The following JAZF1 variants were observed in gnomAD, a reference collection of about 807,000 sequenced individuals.
JAZF1 encodes the protein juxtaposed with another zinc finger protein 1.
JAZF1 carries 8 observed loss-of-function variants against 26.4 expected under a neutral mutation model. The ratio of observed to expected loss-of-function variants is 0.30; its 90% confidence interval spans 0.18 to 0.55. The LOEUF is 0.55. Ranked by LOEUF, JAZF1 falls within the 20% of genes least tolerant of loss-of-function variation. The pLI is 0.94. For synonymous variants in JAZF1, 126 were observed against 122.3 expected (o/e 1.03, Z -0.20); for missense variants, 199 against 322.0 (o/e 0.62, Z 2.92).
chr7:27,895,275 G>A lies in JAZF1; in HGVS notation c.330C>T (p.Pro110=). The part of the protein sequence containing the change: ...PPRHSSGSLT[P]PVTPPITPSS... ...AGGGGGTGATGGGTGGGGTCACGGG[G>A]GGAGTAAGGCTTCCACTGCTGTGGC... The change falls in exon 3 of 5, where the codon CCC becomes CCT. Residue 110 remains proline, a synonymous_variant. Transcript: ENST00000283928. 6.2e-7 allele frequency: 1 copy of A among 1,609,530 alleles called. No homozygotes were observed. Among genetic ancestry groups the A allele is most frequent in the South Asian group, 1.1e-5 (1 of 90,200 alleles).
At chr7:27,859,374 G>A (rs1204750075) in intron 3 of JAZF1, among the ~76,000 whole-genome samples, 1 of 152,140 alleles carries the variant, frequency 6.6e-6, no homozygotes, top group Non-Finnish European at 1.5e-5. Flanking sequence ...CCATTACTGG[G>A]TATATACTCA....
chr7:27,984,457 T>A (rs1342599669), intron 2 of JAZF1, among the ~76,000 whole-genome samples: 5 of 152,058 alleles, frequency 3.3e-5, no homozygotes, highest in Non-Finnish European at 5.9e-5. Flanking sequence ...ATAAAGCAAG[T>A]CCTTAGAGAC....
intron 1 of JAZF1, among the ~76,000 whole-genome samples, chr7:28,026,642 G>A (rs965870031): frequency 6.6e-6 from 1 of 152,214 alleles, no homozygotes; most frequent in African/African-American, 2.4e-5. Flanking sequence ...TATCATTTGT[G>A]TAACTAAGGT....
chr7:28,096,194 G>A (rs937087112), intron 1 of JAZF1, among the ~76,000 whole-genome samples: 2 of 152,250 alleles, frequency 1.3e-5, no homozygotes, highest in South Asian at 2.1e-4. Flanking sequence ...GCCTCTGTCC[G>A]CTCTTGGAGT....
At chr7:28,052,818 G>T (rs1490282224) in intron 1 of JAZF1, among the ~76,000 whole-genome samples, 1 of 143,756 alleles carries the variant, frequency 7.0e-6, no homozygotes, top group East Asian at 2.0e-4. Flanking sequence ...ATGGATACTG[G>T]CTTTTTTTTT....
intron 2 of JAZF1, among the ~76,000 whole-genome samples, chr7:27,931,104 C>A (rs1409699343): frequency 1.3e-5 from 2 of 152,148 alleles, no homozygotes; most frequent in Non-Finnish European, 2.9e-5. Flanking sequence ...AGGCCATCTA[C>A]AATGAGATTA....
chr7:28,111,759 T>C (rs1281639091), intron 1 of JAZF1, among the ~76,000 whole-genome samples: 1 of 152,204 alleles, frequency 6.6e-6, no homozygotes, highest in African/African-American at 2.4e-5. Flanking sequence ...TTCAGGAGAC[T>C]TCCCAGGGGT....
chr7:28,138,378 G>A (rs1316849199), intron 1 of JAZF1, among the ~76,000 whole-genome samples: 1 of 152,168 alleles, frequency 6.6e-6, no homozygotes, highest in Non-Finnish European at 1.5e-5. Flanking sequence ...TGCCACTAGG[G>A]AGGAGGCAGT....
chr7:28,160,085 G>A (rs889388330), intron 1 of JAZF1, among the ~76,000 whole-genome samples: 5 of 151,972 alleles, frequency 3.3e-5, no homozygotes, highest in African/African-American at 9.7e-5. Flanking sequence ...GGTGGGGTAC[G>A]GAATCTCACT....
intron 1 of JAZF1, among the ~76,000 whole-genome samples, chr7:28,165,966 T>C (rs573317481): frequency 8.5e-5 from 13 of 152,294 alleles, no homozygotes; most frequent in Middle Eastern, 3.4e-3. Flanking sequence ...AACGCATAAA[T>C]TGGGTGTTTG....
At chr7:28,010,850 T>G (rs62449878) in intron 1 of JAZF1, among the ~76,000 whole-genome samples, 1 of 152,244 alleles carries the variant, frequency 6.6e-6, no homozygotes, top group Non-Finnish European at 1.5e-5. Context: ...CACAACTGCA[T>G]GCCAGTAGGT....
At chr7:28,139,289 G>A (rs1428403461) in intron 1 of JAZF1, among the ~76,000 whole-genome samples, 2 of 152,208 alleles carry the variant, frequency 1.3e-5, no homozygotes, top group Non-Finnish European at 2.9e-5. Flanking sequence ...AGAGGCCCAG[G>A]GAACAGTTAG....
intron 2 of JAZF1, among the ~76,000 whole-genome samples, chr7:27,987,734 G>T (rs1231949976): frequency 2.6e-5 from 4 of 152,278 alleles, no homozygotes; most frequent in Non-Finnish European, 5.9e-5. Flanking sequence ...GACGATGGCG[G>T]TTTTGTTGAA....
chr7:27,857,090 C>T (rs1006812422), intron 3 of JAZF1, among the ~76,000 whole-genome samples: 2 of 152,248 alleles, frequency 1.3e-5, no homozygotes, highest in African/African-American at 2.4e-5. Flanking sequence ...TGGAACTGGG[C>T]GCCGTGGAGC....
intron 2 of JAZF1, among the ~76,000 whole-genome samples, chr7:27,913,761 AT>A (rs567450146): frequency 6.0e-4 from 91 of 152,244 alleles, no homozygotes; most frequent in Admixed American, 2.2e-3. Flanking sequence ...TCTTACTATA[AT>A]TGAAGTCTAA....
At chr7:27,964,996 G>C (rs1393867315) in intron 2 of JAZF1, among the ~76,000 whole-genome samples, 1 of 152,126 alleles carries the variant, frequency 6.6e-6, no homozygotes, top group Non-Finnish European at 1.5e-5. Flanking sequence ...ATCAGCATGA[G>C]AATGACTAGA....
chr7:27,915,952 A>G (rs1312630594), intron 2 of JAZF1, among the ~76,000 whole-genome samples: 1 of 152,204 alleles, frequency 6.6e-6, no homozygotes, highest in African/African-American at 2.4e-5. Flanking sequence ...TTCAACTGAA[A>G]TTTCAGTTCA....
intron 3 of JAZF1, chr7:27,842,595 G>C (rs927195180): frequency 2.6e-5 from 4 of 152,178 alleles, no homozygotes; most frequent in African/African-American, 9.7e-5. Flanking sequence ...TAAATAAAGA[G>C]AGCCGGTTTG....
chr7:28,030,759 T>C (rs1389392661), intron 1 of JAZF1, among the ~76,000 whole-genome samples: 1 of 150,676 alleles, frequency 6.6e-6, no homozygotes, highest in East Asian at 1.9e-4. Context: ...ACTTAAACTT[T>C]AATGTCTCTC....
Sources: allele counts gnomAD v4.1 joint callset (sites outside exome capture counted in the v4.1 genomes callset), GRCh38; gene constraint gnomAD v4.1.1; transcripts MANE v1.5; gene names NCBI Gene and HGNC (gene_info 2026-07-23, HGNC 2026-07-21).